Variants in GPC6 observed in about 807,000 individuals in gnomAD.
GPC6 encodes the protein glypican-6.
Under a neutral mutation model 55.2 loss-of-function variants are expected in GPC6, and 14 were observed. The ratio of observed to expected loss-of-function variants is 0.25; its 90% CI spans 0.17 to 0.40. The LOEUF (loss-of-function observed/expected upper bound fraction) is 0.40. Among genes scored for constraint, GPC6 ranks in the 10% least tolerant of loss-of-function variants. The pLI is 1.00. For synonymous variants in GPC6, 278 were observed against 259.6 expected (o/e 1.07, Z -0.68); for missense variants, 641 against 708.5 (o/e 0.90, Z 1.08).
chr13:93,535,928 C>CTGTAT (rs1333681503), intron 1 of GPC6, among the ~76,000 whole-genome samples: 1 of 152,128 alleles, frequency 6.6e-6, no homozygotes, highest in Non-Finnish European at 1.5e-5. Flanking sequence ...AGTGATGAGC[C>CTGTAT]TGTATGTTTG....
At chr13:94,155,971 C>G (rs1248137796) in intron 4 of GPC6, among the ~76,000 whole-genome samples, 1 of 152,106 alleles carries the variant, frequency 6.6e-6, no homozygotes, top group African/African-American at 2.4e-5. Context: ...GTGCTACCAT[C>G]TCCATTCGAA....
At chr13:94,097,506 C>CAAAAAAAAA (rs869307863) in intron 4 of GPC6, among the ~76,000 whole-genome samples, 7 of 70,256 alleles carry the variant, frequency 1.0e-4, no homozygotes, top group African/African-American at 3.6e-4. Context: ...GACTCTGTCT[C>CAAAAAAAAA]AAAAAAAAAA....
chr13:93,576,484 T>G (rs910634736), intron 2 of GPC6, among the ~76,000 whole-genome samples: 6 of 152,182 alleles, frequency 3.9e-5, no homozygotes, highest in Non-Finnish European at 8.8e-5. Context: ...TTTTTGGCTG[T>G]GTACTCTGGT....
intron 7 of GPC6, among the ~76,000 whole-genome samples, chr13:94,394,287 T>C (rs1041071809): frequency 1.3e-5 from 2 of 152,202 alleles, no homozygotes; most frequent in Non-Finnish European, 2.9e-5. Context: ...CAAGCCGCAT[T>C]GGCAAACCAT....
chr13:93,313,818 C>T (rs559152182), intron 1 of GPC6, among the ~76,000 whole-genome samples: 2 of 152,196 alleles, frequency 1.3e-5, no homozygotes, highest in East Asian at 1.9e-4. Flanking sequence ...AGGTATCTAC[C>T]ATTGTGCCTG....
chr13:93,902,982 G>A (rs1408316798), intron 3 of GPC6, among the ~76,000 whole-genome samples: 1 of 152,154 alleles, frequency 6.6e-6, no homozygotes, highest in Non-Finnish European at 1.5e-5. Flanking sequence ...AATGGAGAAA[G>A]GACAGTGTAT....
At chr13:93,484,114 A>G (rs1248630945) in intron 1 of GPC6, among the ~76,000 whole-genome samples, 2 of 152,106 alleles carry the variant, frequency 1.3e-5, no homozygotes, top group African/African-American at 2.4e-5. Flanking sequence ...TGTGGTGCTT[A>G]TGGATCCAGG....
intron 2 of GPC6, among the ~76,000 whole-genome samples, chr13:93,791,335 T>A (rs1225949687): frequency 2.6e-5 from 4 of 152,228 alleles, no homozygotes; most frequent in Admixed American, 1.3e-4. Context: ...CATTTTTTTC[T>A]TTACTTTTTA....
intron 1 of GPC6, among the ~76,000 whole-genome samples, chr13:93,337,191 C>A (rs553464666): frequency 6.6e-6 from 1 of 152,234 alleles, no homozygotes; most frequent in South Asian, 2.1e-4. Context: ...AATAGATATA[C>A]CTACTTGCTG....
intron 1 of GPC6, among the ~76,000 whole-genome samples, chr13:93,382,748 A>G (rs994703837): frequency 2.0e-5 from 3 of 152,204 alleles, no homozygotes; most frequent in East Asian, 3.8e-4. Context: ...AACAAATTAC[A>G]TTTTTATGTC....
At chr13:93,458,120 G>A (rs1036601655) in intron 1 of GPC6, among the ~76,000 whole-genome samples, 33 of 152,158 alleles carry the variant, frequency 2.2e-4, no homozygotes, top group African/African-American at 7.7e-4. Flanking sequence ...ACATGTGTAT[G>A]GGTCTTTCTC....
intron 1 of GPC6, among the ~76,000 whole-genome samples, chr13:93,495,374 T>A (rs935194116): frequency 3.2e-4 from 46 of 142,442 alleles, no homozygotes; most frequent in Non-Finnish European, 4.9e-4. Context: ...TTCAGCTCCA[T>A]CAGCTCCTTT....
chr13:93,429,692 A>T (rs1877283277), intron 1 of GPC6, among the ~76,000 whole-genome samples: 1 of 152,122 alleles, frequency 6.6e-6, no homozygotes, highest in Admixed American at 6.6e-5. Flanking sequence ...ACAAGCAACG[A>T]CTTTTTAGTT....
intron 2 of GPC6, among the ~76,000 whole-genome samples, chr13:93,789,678 G>T (rs1885965736): frequency 7.6e-6 from 1 of 131,006 alleles, no homozygotes; most frequent in Non-Finnish European, 1.6e-5. Flanking sequence ...AGGCAGAAAT[G>T]ATTAGAGGTG....
chr13:94,251,740 CTG>C (rs1891356891), intron 4 of GPC6, among the ~76,000 whole-genome samples: 5 of 150,546 alleles, frequency 3.3e-5, no homozygotes, highest in African/African-American at 9.8e-5. Context: ...ACAAAACAAA[CTG>C]TTGCAAAATT....
At chr13:93,275,165 G>A (rs1390028282) in intron 1 of GPC6, among the ~76,000 whole-genome samples, 2 of 152,196 alleles carry the variant, frequency 1.3e-5, no homozygotes, top group African/African-American at 4.8e-5. Context: ...AACAGATGCT[G>A]TAACTCATTG....
chr13:93,996,016 A>G (rs1300366087), intron 3 of GPC6, among the ~76,000 whole-genome samples: 1 of 152,216 alleles, frequency 6.6e-6, no homozygotes, highest in Non-Finnish European at 1.5e-5. Flanking sequence ...GAATAATTTT[A>G]GTTTTATAAG....
intron 4 of GPC6, among the ~76,000 whole-genome samples, chr13:94,223,191 C>G (rs1292036676): frequency 6.6e-6 from 1 of 151,996 alleles, no homozygotes; most frequent in Non-Finnish European, 1.5e-5. Flanking sequence ...TACCTAATTG[C>G]CTTTGATTCT....
At chr13:93,421,378 G>A (rs1876916487) in intron 1 of GPC6, among the ~76,000 whole-genome samples, 1 of 151,996 alleles carries the variant, frequency 6.6e-6, no homozygotes, top group Non-Finnish European at 1.5e-5. Flanking sequence ...TATTTAAATG[G>A]TAGTACTGGC....
Sources: gnomAD v4.1 joint callset for allele counts (sites outside exome capture counted in the v4.1 genomes callset) on GRCh38, gnomAD v4.1.1 for gene constraint, MANE v1.5 for transcripts, NCBI Gene and HGNC (gene_info 2026-07-23, HGNC 2026-07-21) for gene names.